Variants in OLFM1 observed in about 807,000 individuals in gnomAD.
OLFM1 encodes olfactomedin 1.
Under a neutral mutation model 49.7 loss-of-function variants are expected in OLFM1, and 9 were observed. That is an observed-to-expected ratio of 0.18 (90% CI 0.11 to 0.32). The LOEUF is 0.32. OLFM1 is among the 10% of genes least tolerant of loss of function. The pLI is 1.00. For missense variants in OLFM1, 369 were observed against 661.8 expected, an observed-to-expected ratio of 0.56 and a Z score of 4.85; for synonymous variants, 240 against 271.8, an observed-to-expected ratio of 0.88 and a Z score of 1.15.
chr9:135,087,486 T>C, upstream of OLFM1: 6 of 1,490,158 alleles, frequency 4.0e-6, no homozygotes, highest in Non-Finnish European at 5.4e-6. Context: ...TCTCCTCATG[T>C]CACCCTGATC....
At chr9:135,083,184 G>T (rs1470493630), upstream of OLFM1, among the ~76,000 whole-genome samples, 1 of 152,128 alleles carries the variant, frequency 6.6e-6, no homozygotes, top group Non-Finnish European at 1.5e-5. Context: ...CCTGAAAAAC[G>T]TGCATTCAGC....
Position 135,117,280 on chromosome 9 carries a change from C to T in OLFM1, c.784-2224C>T, listed in dbSNP as rs1289848385. On this transcript the variant is annotated intron_variant, in intron 5 of 5. Coordinates refer to ENST00000371793, the MANE Select transcript of OLFM1 (RefSeq NM_001282611.2). This position sits in a 1 kb window ranked among gnomAD's most constrained non-coding sequence, Gnocchi z 5.5. ...CTGGGTTTGCTATCTTGGTTGCTTT[C>T]GACAACCAGAGGCTTCTTCAAAGCC... Among the ~76,000 whole-genome samples, 4 of 152,178 alleles carry T rather than the reference C, an allele frequency of 2.6e-5. No individual in the cohort carries two copies. The highest frequency in any genetic ancestry group is 6.5e-5 in the Admixed American group (1 of 15,282).
chr9:135,095,985 A>T lies in OLFM1; in HGVS notation c.422A>T (p.Glu141Val). 1 of 1,521,682 alleles carries T rather than the reference A, an allele frequency of 6.6e-7. No individual in the cohort carries two copies. The highest frequency in any genetic ancestry group is 8.9e-7 in the Non-Finnish European group (1 of 1,125,744). The allele number at this position is 1,521,682 out of a possible 1,614,324, so 94.3% of individuals were successfully genotyped here. ...GLESKFKQVE[E>V]SHKQHLARQF... ...GAGTCCAAGTTCAAACAGGTGGAGG[A>T]GAGTCATAAGCAACACCTGGCCAGG... Residue 141 changes from glutamate to valine, a missense_variant, in exon 3 of 6, where the codon GAG becomes GTG. Around this residue, in one of 3 missense-constraint regions of OLFM1, gnomAD observed 294 missense variants for 567.5 expected, o/e 0.52. Coordinates refer to ENST00000371793, the MANE Select transcript of OLFM1 (RefSeq NM_001282611.2).
At chr9:135,104,800 C>T (rs1164957997) in intron 4 of OLFM1, among the ~76,000 whole-genome samples, 2 of 152,210 alleles carry the variant, frequency 1.3e-5, no homozygotes, top group African/African-American at 2.4e-5. Flanking sequence ...CATGGCTCCT[C>T]CCTCCCACCT....
intron 2 of OLFM1, among the ~76,000 whole-genome samples, chr9:135,093,763 A>G (rs1830746576): frequency 6.6e-6 from 1 of 152,090 alleles, no homozygotes. Flanking sequence ...TGCCTTCCCT[A>G]GGGTTGGGAG....
chr9:135,116,088 A>G (rs1254741306), intron 5 of OLFM1, among the ~76,000 whole-genome samples: 1 of 152,140 alleles, frequency 6.6e-6, no homozygotes, highest in African/African-American at 2.4e-5. Context: ...GCATTGATGG[A>G]ATTTGATCTG....
At chr9:135,114,444 T>A (rs955920254) in intron 5 of OLFM1, among the ~76,000 whole-genome samples, 4 of 152,068 alleles carry the variant, frequency 2.6e-5, no homozygotes, top group African/African-American at 9.7e-5. Context: ...GCAAAGACCT[T>A]TTTCCCAAAT....
At chr9:135,104,037 G>A (rs1214930146) in intron 4 of OLFM1, among the ~76,000 whole-genome samples, 1 of 152,222 alleles carries the variant, frequency 6.6e-6, no homozygotes, top group Non-Finnish European at 1.5e-5. Context: ...CCCAGGCTGA[G>A]TTTTGGAGGA....
At chr9:135,119,046 AG>A in intron 5 of OLFM1, among the ~76,000 whole-genome samples, 1 of 146,878 alleles carries the variant, frequency 6.8e-6, no homozygotes, top group African/African-American at 2.5e-5. Flanking sequence ...GATCTTTGGA[AG>A]TGCTCACTGG....
rs899216185 is a variant in OLFM1, at chr9:135,113,814, C to A, written c.784-5690C>A. Reference sequence around the variant, plus strand: ...ACGGGTGTGGAAGCCCAAGAGGTGCCCTGTGGCTGCTGCAGGAGCTCCCAC... The same window carrying A: ...ACGGGTGTGGAAGCCCAAGAGGTGCACTGTGGCTGCTGCAGGAGCTCCCAC... On this transcript the variant is annotated intron_variant, in intron 5 of 5. Coordinates refer to ENST00000371793, the MANE Select transcript of OLFM1 (RefSeq NM_001282611.2). The surrounding 1 kb of genome is among the most constrained non-coding windows in gnomAD (Gnocchi z 4.0). Among the ~76,000 whole-genome samples the A allele has an allele frequency of 2.0e-5, 3 of 152,224 alleles. No homozygotes were observed. Among genetic ancestry groups the A allele is most frequent in the African/African-American group, 4.8e-5 (2 of 41,468 alleles).
chr9:135,111,756 C>T (rs186673560), intron 5 of OLFM1, among the ~76,000 whole-genome samples: 456 of 152,304 alleles, frequency 3.0e-3, no homozygotes, highest in Middle Eastern at 0.01. Context: ...TGTCGTCAGA[C>T]TGGAGTGCAG....
chr9:135,078,082 G>T lies in OLFM1; in HGVS notation c.96+2280G>T, dbSNP rs369597934. 3.9e-5 allele frequency among the ~76,000 whole-genome samples: 6 copies of T among 152,190 alleles called. No homozygotes were observed. The East Asian group carries it at 5.8e-4, about 15-fold the overall frequency. ...TGCTCTGATTCCAAGAGCTACTGGG[G>T]GACATCCATCCCCAAGCATCTTACT... On this transcript the variant is annotated intron_variant, in intron 1 of 5. Transcript: ENST00000252854.
At chr9:135,092,851 T>C (rs1830735049) in intron 2 of OLFM1, among the ~76,000 whole-genome samples, 1 of 152,266 alleles carries the variant, frequency 6.6e-6, no homozygotes, top group Non-Finnish European at 1.5e-5. Flanking sequence ...CCCTTGCTCC[T>C]TAATGCACTG....
upstream of OLFM1, among the ~76,000 whole-genome samples, chr9:135,086,917 C>T (rs1482458157): frequency 6.6e-6 from 1 of 152,132 alleles, no homozygotes; most frequent in Non-Finnish European, 1.5e-5. Flanking sequence ...GGTTCATGGG[C>T]GTGGTCCCTT....
At chr9:135,106,611 T>G in intron 4 of OLFM1, 138 bp from the exon 5 acceptor site, 1 of 628,462 alleles carries the variant, frequency 1.6e-6, no homozygotes. Flanking sequence ...GTGAGCAGCT[T>G]TCCACAGTAC....
intron 1 of OLFM1, chr9:135,076,454 C>T (rs1830467575): frequency 7.0e-7 from 1 of 1,430,252 alleles, no homozygotes; most frequent in East Asian, 2.5e-5. Flanking sequence ...ACGGGCTTGT[C>T]GTACCCTGAA....
intron 3 of OLFM1, chr9:135,097,720 G>A: frequency 7.3e-7 from 1 of 1,360,940 alleles, no homozygotes; most frequent in Non-Finnish European, 1.1e-6. Context: ...CCTGATGGCT[G>A]TCTGTTTCAG....
chr9:135,084,937 C>T (rs1373558288), upstream of OLFM1, among the ~76,000 whole-genome samples: 2 of 152,114 alleles, frequency 1.3e-5, no homozygotes, highest in Non-Finnish European at 2.9e-5. This position sits in a 1 kb window ranked among gnomAD's most constrained non-coding sequence, Gnocchi z 4.6. Flanking sequence ...TAGGGCTTCT[C>T]GAGGTGATTC....
At position 135,113,986 on chromosome 9, in the gene OLFM1, G is replaced by A. The variant is rs1831059548; in HGVS notation, c.784-5518G>A. On this transcript the variant is annotated intron_variant, in intron 5 of 5. Transcript: ENST00000371793. The surrounding 1 kb of genome is among the most constrained non-coding windows in gnomAD (Gnocchi z 4.0). ...GTGGCTCCATGTGTTCCTGGCTGTG[G>A]CTGCATCACTCCAGTCTCTGCCTCC... 6.6e-6 allele frequency among the ~76,000 whole-genome samples: 1 copy of A among 152,192 alleles called. No individual in the cohort carries two copies. Among genetic ancestry groups the A allele is most frequent in the Non-Finnish European group, 1.5e-5 (1 of 68,018 alleles).
Sources: allele counts gnomAD v4.1 joint callset (sites outside exome capture counted in the v4.1 genomes callset), GRCh38; gene constraint gnomAD v4.1.1; regional missense constraint gnomAD v4.1.1; non-coding constraint Gnocchi (gnomAD v3.1); transcripts MANE v1.5; gene names NCBI Gene and HGNC (gene_info 2026-07-23, HGNC 2026-07-21).